Variants in ANKH observed in about 807,000 individuals in gnomAD.
ANKH encodes the protein mineralization regulator ANKH.
Under a neutral mutation model 49.0 loss-of-function variants are expected in ANKH, and 15 were observed. The ratio of observed to expected loss-of-function variants is 0.31; its 90% CI spans 0.20 to 0.47. ANKH has a LOEUF of 0.47. Ranked by LOEUF, ANKH falls within the 20% of genes least tolerant of loss-of-function variation. The probability of loss-of-function intolerance (pLI) is 1.00; values close to 1 mark genes in which losing one functional copy is unlikely to be tolerated. For missense variants in ANKH, 429 were observed against 652.0 expected, an observed-to-expected ratio of 0.66 and a Z score of 3.72; for synonymous variants, 273 against 260.0, an observed-to-expected ratio of 1.05 and a Z score of -0.48.
At chr5:14,765,201 G>T (rs952995152) in intron 2 of ANKH, among the ~76,000 whole-genome samples, 24 of 152,242 alleles carry the variant, frequency 1.6e-4, no homozygotes, top group African/African-American at 5.8e-4. Context: ...GTCCATGACA[G>T]AAGTCGTGGC....
chr5:14,834,451 G>A (rs1254016774), intron 1 of ANKH, among the ~76,000 whole-genome samples: 1 of 152,066 alleles, frequency 6.6e-6, no homozygotes, highest in Non-Finnish European at 1.5e-5. Flanking sequence ...TAAATACTGG[G>A]GATTTACTAG....
At chr5:14,871,255 G>T in intron 1 of ANKH, 97 bp downstream of exon 1, 1 of 1,051,444 alleles carries the variant, frequency 9.5e-7, no homozygotes, top group Non-Finnish European at 1.4e-6. Context: ...TCAGGATAAA[G>T]AGGGACTCGG....
At chr5:14,764,413 G>A (rs1042926877) in intron 2 of ANKH, among the ~76,000 whole-genome samples, 2 of 152,152 alleles carry the variant, frequency 1.3e-5, no homozygotes, top group African/African-American at 2.4e-5. Flanking sequence ...ACTATGTGGA[G>A]GAGAGTTCAG....
intron 8 of ANKH, among the ~76,000 whole-genome samples, chr5:14,724,984 C>G (rs1173332043): frequency 6.6e-6 from 1 of 151,882 alleles, no homozygotes; most frequent in African/African-American, 2.4e-5. Context: ...ACATATGCAG[C>G]TGTTTTGAAT....
chr5:14,732,676 C>A (rs891200036), intron 8 of ANKH, among the ~76,000 whole-genome samples: 1 of 152,116 alleles, frequency 6.6e-6, no homozygotes, highest in Non-Finnish European at 1.5e-5. Flanking sequence ...TAAGCTTTTA[C>A]CCCTTTTAAA....
chr5:14,733,176 G>A (rs1738059032), intron 8 of ANKH, among the ~76,000 whole-genome samples: 1 of 152,204 alleles, frequency 6.6e-6, no homozygotes, highest in South Asian at 2.1e-4. Context: ...ATAGTGAGCA[G>A]GTTTCGAGGC....
chr5:14,723,246 C>T (rs531692012), intron 8 of ANKH, among the ~76,000 whole-genome samples: 225 of 151,840 alleles, frequency 1.5e-3, no homozygotes, highest in Admixed American at 4.1e-3. Context: ...GCTGGCTCCT[C>T]GGTTGTAACA....
intron 1 of ANKH, chr5:14,797,309 T>A: frequency 6.4e-7 from 1 of 1,565,172 alleles, no homozygotes; most frequent in Middle Eastern, 1.7e-4. Context: ...ACAACAACTC[T>A]GGTGGCCTGT....
intron 11 of ANKH, among the ~76,000 whole-genome samples, chr5:14,712,663 G>C (rs1442507607): frequency 6.6e-6 from 1 of 152,224 alleles, no homozygotes; most frequent in Non-Finnish European, 1.5e-5. Flanking sequence ...TCTTCAAAGG[G>C]ACTGTCTGTA....
chr5:14,753,649 C>G (rs1738789444), intron 4 of ANKH, among the ~76,000 whole-genome samples: 1 of 152,132 alleles, frequency 6.6e-6, no homozygotes, highest in East Asian at 1.9e-4. Flanking sequence ...ACAAAAACAG[C>G]AATATGTTTC....
chr5:14,722,237 T>C (rs1267489995), intron 8 of ANKH, among the ~76,000 whole-genome samples: 4 of 152,178 alleles, frequency 2.6e-5, no homozygotes, highest in African/African-American at 9.7e-5. Context: ...CATTGACTTT[T>C]CCAAACCAGC....
chr5:14,833,668 A>T (rs377301810), intron 1 of ANKH, among the ~76,000 whole-genome samples: 4 of 152,332 alleles, frequency 2.6e-5, no homozygotes, highest in South Asian at 2.1e-4. Context: ...AATAGCCAAG[A>T]TGTCACTCTG....
At chr5:14,842,055 A>AT (rs1218246279) in intron 1 of ANKH, among the ~76,000 whole-genome samples, 3 of 152,214 alleles carry the variant, frequency 2.0e-5, no homozygotes, top group African/African-American at 7.2e-5. Flanking sequence ...CCACAAAAAG[A>AT]TAAAAAAAGC....
intron 1 of ANKH, among the ~76,000 whole-genome samples, chr5:14,818,144 C>G (rs556927889): frequency 1.3e-5 from 2 of 151,806 alleles, no homozygotes; most frequent in South Asian, 4.2e-4. Flanking sequence ...CTACCCATAC[C>G]GGTTATAATT....
rs946443869 is a variant in ANKH at position 14,708,560 on chromosome 5, C to G, written c.*2637G>C. 6.6e-6 allele frequency: 1 copy of G among 152,240 alleles called. No individual in the cohort carries two copies. The highest frequency in any genetic ancestry group is 1.5e-5 in the Non-Finnish European group (1 of 68,048). 9.4% of individuals were successfully genotyped at this position (152,240 alleles called of 1,614,324 possible). On this transcript the variant is annotated 3_prime_UTR_variant, in exon 12 of 12. Transcript: ENST00000284268. ...CCCTCCCTGGTTTGATCTCTCATGT[C>G]TAGCTGGATGATGGGACTCGATTAG...
At chr5:14,716,933 A>T in intron 8 of ANKH, 98 bp from the exon 9 acceptor site, 1 of 1,497,422 alleles carries the variant, frequency 6.7e-7, no homozygotes, top group Non-Finnish European at 9.1e-7. Flanking sequence ...GTTACGAAAG[A>T]GGGACAACCG....
chr5:14,820,231 TA>T (rs978181272), intron 1 of ANKH, among the ~76,000 whole-genome samples: 5 of 152,226 alleles, frequency 3.3e-5, no homozygotes, highest in Non-Finnish European at 7.3e-5. Context: ...TTAGCTTGCC[TA>T]ATATAGTGTT....
Position 14,817,218 on chromosome 5 carries a change from G to A in ANKH, c.97-48027C>T, listed in dbSNP as rs114085061. 6.2e-3 allele frequency among the ~76,000 whole-genome samples: 948 copies of A among 152,240 alleles called. 15 individuals are homozygous for A. The highest frequency in any genetic ancestry group is 0.022 in the African/African-American group (905 of 41,540). ...TGTTTGGCTTTCTGTGGTGCATTTTGGCAGCCCTGTGTGGATGTGTCAGAG... is the reference window on the plus strand; with the variant it reads ...TGTTTGGCTTTCTGTGGTGCATTTTAGCAGCCCTGTGTGGATGTGTCAGAG... On this transcript the variant is annotated intron_variant, in intron 1 of 11. Transcript: ENST00000284268.
chr5:14,711,399 G>C lies in ANKH; in HGVS notation c.1366-89C>G. The C allele has an allele frequency of 2.6e-6, 3 of 1,135,352 alleles. No homozygotes were observed. In the South Asian group the frequency reaches 3.7e-5, roughly 14 times the overall value. The allele number at this position is 1,135,352 out of a possible 1,614,324, so 70.3% of individuals were successfully genotyped here. On this transcript the variant is annotated intron_variant, in intron 11 of 11. Coordinates refer to ENST00000284268, the MANE Select transcript of ANKH (RefSeq NM_054027.6). Reference sequence around the variant, plus strand: ...AGCAGGGAGACAACACCGGGGTCTTGGGGGACCCCTCACTGTAGGCTTAAA... The same window carrying C: ...AGCAGGGAGACAACACCGGGGTCTTCGGGGACCCCTCACTGTAGGCTTAAA...
Sources: allele counts gnomAD v4.1 joint callset (sites outside exome capture counted in the v4.1 genomes callset), GRCh38; gene constraint gnomAD v4.1.1; transcripts MANE v1.5; gene names NCBI Gene and HGNC (gene_info 2026-07-23, HGNC 2026-07-21).